The following MLXIPL variants were observed in gnomAD, a reference collection of about 807,000 sequenced individuals.
MLXIPL encodes the protein carbohydrate-responsive element-binding protein.
Under a neutral mutation model 81.5 loss-of-function variants are expected in MLXIPL, and 49 were observed. The observed-to-expected ratio is 0.60, with a 90% CI of 0.48 to 0.76. The LOEUF is 0.76. Among genes scored for constraint, MLXIPL ranks in the 30% least tolerant of loss-of-function variants. The pLI, the probability that MLXIPL is intolerant of heterozygous loss-of-function variation, is 0.00. For synonymous variants in MLXIPL, 466 were observed against 485.5 expected, an observed-to-expected ratio of 0.96 and a Z score of 0.53; for missense variants, 1,053 against 1,167.0, an observed-to-expected ratio of 0.90 and a Z score of 1.42.
the MLXIPL span, among the ~76,000 whole-genome samples, chr7:73,647,006 C>T: frequency 1.3e-5 from 2 of 152,256 alleles, no homozygotes; most frequent in East Asian, 1.9e-4. Flanking sequence ...CATCTCCACA[C>T]GAGTGGCCCA....
At chr7:73,602,149 T>TTCCTTCCTTCCTTCCC (rs1554596509) in intron 7 of MLXIPL, among the ~76,000 whole-genome samples, 2 of 147,556 alleles carry the variant, frequency 1.4e-5, no homozygotes, top group Admixed American at 6.9e-5. Context: ...CCTTCCTTCC[T>TTCCTTCCTTCCTTCCC]TCCTTCCTTC....
the MLXIPL span, among the ~76,000 whole-genome samples, chr7:73,642,345 T>TTTAC: frequency 6.6e-6 from 1 of 151,860 alleles, no homozygotes; most frequent in Non-Finnish European, 1.5e-5. Flanking sequence ...GAGGTTTCTA[T>TTTAC]TTATTTATTT....
At chr7:73,647,878 G>T in the MLXIPL span, among the ~76,000 whole-genome samples, 1 of 150,936 alleles carries the variant, frequency 6.6e-6, no homozygotes, top group African/African-American at 2.4e-5. Flanking sequence ...CGCGCCCGGC[G>T]CCTTCTCCGC....
chr7:73,616,805 A>C (rs1796030652), intron 1 of MLXIPL, among the ~76,000 whole-genome samples: 1 of 141,556 alleles, frequency 7.1e-6, no homozygotes, highest in Non-Finnish European at 1.5e-5. Context: ...CTGAGATCAC[A>C]CCGTTGTACT....
At chr7:73,640,377 G>A in the MLXIPL span, among the ~76,000 whole-genome samples, 3 of 149,974 alleles carry the variant, frequency 2.0e-5, no homozygotes, top group Non-Finnish European at 4.4e-5. Context: ...TACACTTCCT[G>A]GGTGACAGAG....
At position 73,595,702 on chromosome 7, in the gene MLXIPL, G is replaced by C. The variant is rs1554593394; in HGVS notation, c.2245C>G (p.Gln749Glu). ...GVPITHQRFD[Q>E]MRDMFDDYVR... ...TAGTCATCAAACATGTCTCGCATCTGGTCAAAACGCTGGTGTGTGATGGGT... is the reference window on the plus strand; with the variant it reads ...TAGTCATCAAACATGTCTCGCATCTCGTCAAAACGCTGGTGTGTGATGGGT... The change falls in exon 15 of 17, where the codon CAG becomes GAG. Residue 749 changes from glutamine to glutamate, a missense_variant. By Grantham distance (29) the Gln-to-Glu change is conservative (BLOSUM62 2). Coordinates refer to ENST00000313375, the MANE Select transcript of MLXIPL (RefSeq NM_032951.3). 2 of 1,614,048 alleles carry C rather than the reference G, an allele frequency of 1.2e-6. No homozygotes were observed. The highest frequency in any genetic ancestry group is 1.7e-6 in the Non-Finnish European group (2 of 1,179,920).
intron 7 of MLXIPL, 93 bp from the exon 8 acceptor site, chr7:73,599,788 G>A (rs797032705): frequency 6.4e-5 from 84 of 1,311,962 alleles, no homozygotes; most frequent in Admixed American, 3.3e-4. Context: ...CAGCCTTGGC[G>A]GGTGGGGACA....
At chr7:73,607,111 C>A (rs1795344099) in intron 4 of MLXIPL, 93 bp from the exon 5 acceptor site, 2 of 1,491,498 alleles carry the variant, frequency 1.3e-6, no homozygotes, top group Non-Finnish European at 1.8e-6. Flanking sequence ...GCGATGAGAT[C>A]CCCCATTTCC....
At chr7:73,610,600 AG>A (rs1795627597) in intron 2 of MLXIPL, 1 of 152,290 alleles carries the variant, frequency 6.6e-6, no homozygotes, top group Non-Finnish European at 1.5e-5. Context: ...TAGCCTCCCG[AG>A]TAGCTGGGAC....
Position 73,608,662 on chromosome 7 carries a change from G to A in MLXIPL, c.401-990C>T, listed in dbSNP as rs1795487600. On this transcript the variant is annotated intron_variant, in intron 2 of 16. Transcript: ENST00000313375. The stretch of plus-strand genomic sequence containing the variant: ...CTAGAGCCTTGGGTCCTCTGCCTCA[G>A]AAGGCTAGGCACTACCCACTTTCAT... Among the ~76,000 whole-genome samples the A allele has an allele frequency of 2.0e-5, 3 of 151,832 alleles. No homozygotes were observed. In the South Asian group the frequency reaches 6.2e-4, roughly 32 times the overall value.
chr7:73,623,067 T>C lies in MLXIPL; in HGVS notation c.293+1133A>G, dbSNP rs541619213. ...CGCCCTGGCCGATCGGGTTGCAACA[T>C]GACCTGGGCCAGGGGCCAGAGCTTG... On this transcript the variant is annotated intron_variant, in intron 1 of 16. Coordinates refer to ENST00000313375, the MANE Select transcript of MLXIPL (RefSeq NM_032951.3). This position sits in a 1 kb window ranked among gnomAD's most constrained non-coding sequence, Gnocchi z 5.7. 2.0e-5 allele frequency among the ~76,000 whole-genome samples: 3 copies of C among 152,190 alleles called. No individual in the cohort carries two copies. The highest frequency in any genetic ancestry group is 2.1e-4 in the South Asian group (1 of 4,828).
rs1300959900 is a variant in MLXIPL at position 73,623,921 on chromosome 7, G to A, written c.293+279C>T. Reference sequence around the variant, plus strand: ...AGAGAGGGGACCAGAGGTCCAGGTAGAGGTGGGGCGCAGGCGGTCTGCGCT... The same window carrying A: ...AGAGAGGGGACCAGAGGTCCAGGTAAAGGTGGGGCGCAGGCGGTCTGCGCT... On this transcript the variant is annotated intron_variant, in intron 1 of 16. Transcript: ENST00000313375. This position sits in a 1 kb window ranked among gnomAD's most constrained non-coding sequence, Gnocchi z 5.7. Among the ~76,000 whole-genome samples the A allele has an allele frequency of 1.3e-5, 2 of 152,130 alleles. No homozygotes were observed. The highest frequency in any genetic ancestry group is 2.4e-5 in the African/African-American group (1 of 41,450).
At position 73,605,771 on chromosome 7, in the gene MLXIPL, G is replaced by T; in HGVS notation, c.821-3C>A. On this transcript the variant is annotated splice_region_variant and splice_polypyrimidine_tract_variant and intron_variant, in intron 6 of 16. Transcript: ENST00000313375. ...CATGTCAGCATTGCCGACGTAGGCT[G>T]GAGGCAGCAGTGGCGACATCAGCAG... is the stretch of plus-strand genomic sequence containing the variant. 6.2e-7 allele frequency: 1 copy of T among 1,612,538 alleles called. No homozygotes were observed.
chr7:73,596,440 G>C lies in MLXIPL; in HGVS notation c.1862C>G (p.Pro621Arg). Residue 621 changes from proline (P) to arginine (R), a missense_variant, in exon 12 of 17, where the codon CCA becomes CGA. Coordinates refer to ENST00000313375, the MANE Select transcript of MLXIPL (RefSeq NM_032951.3). The surrounding 1 kb of genome is among the most constrained non-coding windows in gnomAD (Gnocchi z 4.7). ...ACGGACGCTCAGAGTCCCAGGGCCTGGCATGGAGCTGAGGTCCCCTGACAG... is the reference window on the plus strand; with the variant it reads ...ACGGACGCTCAGAGTCCCAGGGCCTCGCATGGAGCTGAGGTCCCCTGACAG... ...RRLSGDLSSM[P>R]GPGTLSVRVS... The C allele has an allele frequency of 1.2e-6, 2 of 1,612,892 alleles. No individual in the cohort carries two copies. Among genetic ancestry groups the C allele is most frequent in the Non-Finnish European group, 1.7e-6 (2 of 1,179,982 alleles).
chr7:73,607,383 A>ATGC lies in MLXIPL; in HGVS notation c.518_520dup (p.Arg173_Ile174insSer). 1 of 1,564,466 alleles carries ATGC rather than the reference A, an allele frequency of 6.4e-7. No homozygotes were observed. Among genetic ancestry groups the ATGC allele is most frequent in the Non-Finnish European group, 8.7e-7 (1 of 1,154,072 alleles). ...GTGGTATTCCCGCATCACCACCTCG[A>ATGC]TGCGCCGCTTCCAGTAGTTCCCCTC... On this transcript the variant is annotated inframe_insertion, in exon 4 of 17. Transcript: ENST00000313375.
At chr7:73,626,589 G>A (rs1429846306), upstream of MLXIPL, among the ~76,000 whole-genome samples, 1 of 152,094 alleles carries the variant, frequency 6.6e-6, no homozygotes, top group African/African-American at 2.4e-5. Context: ...CTTGAGGACA[G>A]AAACCAGACT....
rs782005295 is a variant in MLXIPL, at chr7:73,607,546, G to A, written c.483+44C>T. 2.0e-5 allele frequency: 32 copies of A among 1,591,440 alleles called. No individual in the cohort carries two copies. In the Admixed American group the frequency reaches 5.0e-4, roughly 25 times the overall value. Reference sequence around the variant, plus strand: ...AGGAGGCAGGGGCTGGTCTTGGTGGGTGGGCAGGTGGGCAGGTGGGCAGGC... The same window carrying A: ...AGGAGGCAGGGGCTGGTCTTGGTGGATGGGCAGGTGGGCAGGTGGGCAGGC... On this transcript the variant is annotated intron_variant, in intron 3 of 16. Transcript: ENST00000313375.
At chr7:73,615,998 T>G in intron 2 of MLXIPL, 73 bp downstream of exon 2, 5 of 1,241,574 alleles carry the variant, frequency 4.0e-6, no homozygotes, top group Middle Eastern at 2.1e-4. Context: ...GCAGCCACCA[T>G]GTAGAACCCT....
chr7:73,633,348 T>G, the MLXIPL span, among the ~76,000 whole-genome samples: 1 of 71,016 alleles, frequency 1.4e-5, no homozygotes, highest in Admixed American at 1.2e-4. Flanking sequence ...TCCCAAAGTG[T>G]TTTTTTTTTT....
Sources: allele counts gnomAD v4.1 joint callset (sites outside exome capture counted in the v4.1 genomes callset), GRCh38; gene constraint gnomAD v4.1.1; non-coding constraint Gnocchi (gnomAD v3.1); transcripts MANE v1.5; gene names NCBI Gene and HGNC (gene_info 2026-07-23, HGNC 2026-07-21).